Variants in SGK3 observed in about 807,000 individuals in gnomAD.
SGK3 encodes serine/threonine-protein kinase Sgk3.
A neutral mutation model predicts 68.5 loss-of-function variants in SGK3; 47 were observed. The ratio of observed to expected loss-of-function variants is 0.69; its 90% CI spans 0.54 to 0.87. The LOEUF is 0.87. Ranked by LOEUF, SGK3 falls within the 40% of genes least tolerant of loss-of-function variation. SGK3 has a pLI of 0.00. For missense variants in SGK3, 479 were observed against 575.5 expected (o/e 0.83, Z 1.72); for synonymous variants, 181 against 189.1 (o/e 0.96, Z 0.35).
At chr8:66,722,493 C>T (rs1042542763) in intron 1 of SGK3, among the ~76,000 whole-genome samples, 7 of 152,120 alleles carry the variant, frequency 4.6e-5, no homozygotes, top group Admixed American at 6.6e-5. Context: ...AGGATGGTCT[C>T]GATCTGCTGA....
At chr8:66,838,436 T>C (rs181717749) in intron 10 of SGK3, among the ~76,000 whole-genome samples, 172 of 152,282 alleles carry the variant, frequency 1.1e-3, no homozygotes, top group African/African-American at 3.8e-3. Flanking sequence ...GTTACGGTGT[T>C]CTAGTAAGTG....
intron 3 of SGK3, among the ~76,000 whole-genome samples, chr8:66,801,119 T>C (rs530361975): frequency 1.3e-5 from 2 of 152,362 alleles, no homozygotes; most frequent in South Asian, 4.1e-4. Context: ...TCTGAAATAC[T>C]TGGAACCAGA....
intron 16 of SGK3, 23 bp from the exon 17 acceptor site, chr8:66,859,388 A>G: frequency 1.9e-6 from 3 of 1,578,916 alleles, no homozygotes; most frequent in Non-Finnish European, 2.6e-6. Flanking sequence ...AAGGTGAATA[A>G]TACTGTGCTT....
intron 1 of SGK3, among the ~76,000 whole-genome samples, chr8:66,755,740 C>T (rs954019785): frequency 6.6e-6 from 1 of 152,114 alleles, no homozygotes; most frequent in Non-Finnish European, 1.5e-5. Context: ...CCTCATGGCT[C>T]TTAGGGTTTG....
chr8:66,776,235 A>C (rs1038567428), intron 1 of SGK3, among the ~76,000 whole-genome samples: 1 of 152,166 alleles, frequency 6.6e-6, no homozygotes, highest in Non-Finnish European at 1.5e-5. Flanking sequence ...CCTTGTTCCA[A>C]ATCCCATCCA....
At chr8:66,807,904 A>G (rs1808228663) in intron 4 of SGK3, among the ~76,000 whole-genome samples, 1 of 152,204 alleles carries the variant, frequency 6.6e-6, no homozygotes, top group East Asian at 1.9e-4. Context: ...GCTAGATATA[A>G]CATACTTGTA....
intron 1 of SGK3, among the ~76,000 whole-genome samples, chr8:66,749,199 G>A (rs1169071632): frequency 2.0e-5 from 3 of 152,126 alleles, no homozygotes; most frequent in Non-Finnish European, 4.4e-5. Flanking sequence ...GGGCAAAATT[G>A]GACTTGTTTC....
chr8:66,856,922 G>T (rs1810535442), intron 16 of SGK3, among the ~76,000 whole-genome samples: 2 of 152,058 alleles, frequency 1.3e-5, no homozygotes, highest in Non-Finnish European at 2.9e-5. Flanking sequence ...GTGAAACCCT[G>T]TCTCTACTAG....
chr8:66,782,409 C>T (rs1344587472), intron 1 of SGK3, among the ~76,000 whole-genome samples: 1 of 151,836 alleles, frequency 6.6e-6, no homozygotes, highest in Non-Finnish European at 1.5e-5. Context: ...CACACATGTC[C>T]AGCACTCCCC....
intron 1 of SGK3, among the ~76,000 whole-genome samples, chr8:66,732,517 T>G (rs1456119914): frequency 1.3e-5 from 2 of 152,090 alleles, no homozygotes; most frequent in East Asian, 3.9e-4. Flanking sequence ...TAACTTTGCC[T>G]TGTAGCACAT....
At chr8:66,758,127 G>A (rs1228654696) in intron 1 of SGK3, among the ~76,000 whole-genome samples, 1 of 151,624 alleles carries the variant, frequency 6.6e-6, no homozygotes, top group Non-Finnish European at 1.5e-5. Context: ...GCCAAGGCGG[G>A]TGGATCACCT....
chr8:66,740,439 C>T (rs1805445308), intron 1 of SGK3, among the ~76,000 whole-genome samples: 1 of 152,158 alleles, frequency 6.6e-6, no homozygotes, highest in Non-Finnish European at 1.5e-5. Context: ...TTATCCATTT[C>T]ATTATATGTC....
At chr8:66,849,285 C>T (rs1390990762) in intron 15 of SGK3, among the ~76,000 whole-genome samples, 21 of 152,176 alleles carry the variant, frequency 1.4e-4, no homozygotes, top group Admixed American at 1.4e-3. Context: ...ACCTCAGATG[C>T]CGCTATTGTC....
chr8:66,836,635 T>TAA lies in SGK3; in HGVS notation c.741+574_741+575dup, dbSNP rs113257283. Among the ~76,000 whole-genome samples the TAA allele has an allele frequency of 1.0e-4, 14 of 137,840 alleles. 1 individual carries two copies. Among genetic ancestry groups the TAA allele is most frequent in the African/African-American group, 1.8e-4 (7 of 37,916 alleles). 90.4% of individuals were successfully genotyped at this position (137,840 alleles called of 152,430 possible). A position where few individuals can be genotyped will look rare whatever the true frequency, so the allele number is the denominator to read the frequency against. ...GTAACAGAACGAGACCCCATCTCTT[T>TAA]AAAAAAAAAAAAAAGGCTTTATGAT... On this transcript the variant is annotated intron_variant, in intron 10 of 16. Coordinates refer to ENST00000521198, the MANE Select transcript of SGK3 (RefSeq NM_001033578.3).
intron 15 of SGK3, among the ~76,000 whole-genome samples, chr8:66,848,983 G>GC (rs1246608116): frequency 6.6e-6 from 1 of 152,190 alleles, no homozygotes; most frequent in African/African-American, 2.4e-5. Context: ...TTCTGCAAGA[G>GC]CACACGTGCG....
At chr8:66,766,944 C>T (rs907603529) in intron 1 of SGK3, among the ~76,000 whole-genome samples, 6 of 152,212 alleles carry the variant, frequency 3.9e-5, no homozygotes, top group African/African-American at 9.6e-5. Flanking sequence ...CTCTGCCTCC[C>T]GGGTTCAAGC....
chr8:66,799,057 C>T (rs560472167), intron 3 of SGK3, among the ~76,000 whole-genome samples: 1 of 152,310 alleles, frequency 6.6e-6, no homozygotes, highest in East Asian at 1.9e-4. Flanking sequence ...TTTTAAGTAG[C>T]TAACACAATT....
chr8:66,786,565 G>A (rs1807206877), intron 1 of SGK3, among the ~76,000 whole-genome samples: 1 of 152,224 alleles, frequency 6.6e-6, no homozygotes, highest in African/African-American at 2.4e-5. Flanking sequence ...TAGAGATTTT[G>A]GAGTTGGACA....
chr8:66,827,763 C>T (rs1809123533), intron 6 of SGK3, among the ~76,000 whole-genome samples: 1 of 152,034 alleles, frequency 6.6e-6, no homozygotes. Flanking sequence ...AGGGCTTAAG[C>T]TTACTGTGTT....
Sources: gnomAD v4.1 joint callset for allele counts (sites outside exome capture counted in the v4.1 genomes callset) on GRCh38, gnomAD v4.1.1 for gene constraint, MANE v1.5 for transcripts, NCBI Gene and HGNC (gene_info 2026-07-23, HGNC 2026-07-21) for gene names.